Variants in RAB11FIP4 observed in about 807,000 individuals in gnomAD.
RAB11FIP4 encodes the protein rab11 family-interacting protein 4.
Under a neutral mutation model 74.3 loss-of-function variants are expected in RAB11FIP4, and 23 were observed. The observed-to-expected ratio is 0.31, with a 90% CI of 0.22 to 0.44. The LOEUF (loss-of-function observed/expected upper bound fraction) is 0.44, where lower values mean the gene tolerates loss of function less well. Among genes scored for constraint, RAB11FIP4 ranks in the 20% least tolerant of loss-of-function variants. The probability of loss-of-function intolerance (pLI) is 1.00; values close to 1 mark genes in which losing one functional copy is unlikely to be tolerated. For missense variants in RAB11FIP4, 630 were observed against 863.9 expected (o/e 0.73, Z 3.39); for synonymous variants, 360 against 359.9 (o/e 1.00, Z 0.00).
At chr17:31,439,246 T>G (rs2071387345) in intron 3 of RAB11FIP4, among the ~76,000 whole-genome samples, 1 of 152,242 alleles carries the variant, frequency 6.6e-6, no homozygotes. Flanking sequence ...AGAATTGCTG[T>G]GTCAAAGGGT....
At chr17:31,511,430 G>A (rs1477285723) in intron 3 of RAB11FIP4, among the ~76,000 whole-genome samples, 2 of 152,174 alleles carry the variant, frequency 1.3e-5, no homozygotes, top group Non-Finnish European at 2.9e-5. Context: ...CACCAGAGTC[G>A]GCACCCAGGT....
chr17:31,406,811 T>G (rs2071046167), intron 1 of RAB11FIP4, among the ~76,000 whole-genome samples: 1 of 152,198 alleles, frequency 6.6e-6, no homozygotes, highest in Non-Finnish European at 1.5e-5. Flanking sequence ...GCTTTCCTCT[T>G]TCTCTCTGTT....
chr17:31,522,312 G>C, intron 6 of RAB11FIP4, 48 bp from the exon 7 acceptor site: 1 of 1,590,738 alleles, frequency 6.3e-7, no homozygotes, highest in Non-Finnish European at 8.6e-7. Context: ...GAGTAAGGGA[G>C]TGGACTAGAA....
At chr17:31,510,353 C>T (rs2072429032) in intron 3 of RAB11FIP4, among the ~76,000 whole-genome samples, 1 of 152,228 alleles carries the variant, frequency 6.6e-6, no homozygotes, top group Non-Finnish European at 1.5e-5. Flanking sequence ...AGTGTGTGTC[C>T]ACCCCCACCG....
chr17:31,488,065 C>T (rs1282101576), intron 3 of RAB11FIP4: 3 of 1,016,724 alleles, frequency 3.0e-6, no homozygotes, highest in Non-Finnish European at 3.5e-6. Flanking sequence ...CTTCGGCCCA[C>T]GCGGGTCTCC....
intron 1 of RAB11FIP4, among the ~76,000 whole-genome samples, chr17:31,416,538 G>A (rs868248735): frequency 1.3e-5 from 2 of 152,322 alleles, no homozygotes; most frequent in South Asian, 2.1e-4. Flanking sequence ...CCCACCGGCC[G>A]GCCTGGGGGT....
At chr17:31,403,022 T>C (rs949388739) in intron 1 of RAB11FIP4, among the ~76,000 whole-genome samples, 1 of 152,072 alleles carries the variant, frequency 6.6e-6, no homozygotes, top group African/African-American at 2.4e-5. Flanking sequence ...GTTGTGATGG[T>C]TGGAGATTGA....
Position 31,522,068 on chromosome 17 carries a change from T to G in RAB11FIP4, c.893+19T>G. 6.2e-7 allele frequency: 1 copy of G among 1,613,640 alleles called. No individual in the cohort carries two copies. The highest frequency in any genetic ancestry group is 8.5e-7 in the Non-Finnish European group (1 of 1,179,948). ...CCAACAGGTGAGGCCCAGGCCCAGC[T>G]GGGGGGTGAGAGGCCGGGGGGCCAG... On this transcript the variant is annotated intron_variant, in intron 6 of 14. Transcript: ENST00000621161.
intron 5 of RAB11FIP4, among the ~76,000 whole-genome samples, chr17:31,521,698 G>A (rs773832140): frequency 6.6e-6 from 1 of 152,064 alleles, no homozygotes; most frequent in African/African-American, 2.4e-5. Context: ...AAATGAGCTC[G>A]CAGTTTGCCT....
At chr17:31,521,127 A>T in intron 4 of RAB11FIP4, 39 bp from the exon 5 acceptor site, 3 of 1,465,886 alleles carry the variant, frequency 2.0e-6, no homozygotes, top group Non-Finnish European at 2.7e-6. Flanking sequence ...CTGGGGACCC[A>T]TGAGTCCTCC....
chr17:31,525,135 C>T lies in RAB11FIP4; in HGVS notation c.1179C>T (p.Ala393=), dbSNP rs529843704. 7.5e-5 allele frequency: 117 copies of T among 1,550,056 alleles called. No homozygotes were observed. Among genetic ancestry groups the T allele is most frequent in the Admixed American group, 1.6e-4 (8 of 50,988 alleles). Residue 393 remains alanine (A), a synonymous_variant, in exon 10 of 15, where the codon GCC becomes GCT. Coordinates refer to ENST00000621161, the MANE Select transcript of RAB11FIP4 (RefSeq NM_032932.6). ...TGGTGAAGGATCAGGAGACCACGGC[C>T]GAGCAGGCTCTGGAGGAGGAGGCGC... is the stretch of plus-strand genomic sequence containing the variant. ...EEMVKDQETT[A]EQALEEEARR... is the part of the protein sequence containing the mutation.
intron 3 of RAB11FIP4, among the ~76,000 whole-genome samples, chr17:31,449,588 C>A (rs569186295): frequency 1.3e-5 from 2 of 152,326 alleles, no homozygotes; most frequent in Admixed American, 1.3e-4. Context: ...GTCACCCAGG[C>A]TGGAGTGCAG....
chr17:31,519,007 C>CTTTTTTTTT (rs1190316585), intron 4 of RAB11FIP4, among the ~76,000 whole-genome samples: 2 of 73,980 alleles, frequency 2.7e-5, no homozygotes, highest in Non-Finnish European at 2.5e-5. Context: ...TAAGTTTTGT[C>CTTTTTTTTT]TTTTTTTTTT....
chr17:31,460,296 G>A (rs529491145), intron 3 of RAB11FIP4, among the ~76,000 whole-genome samples: 27 of 152,332 alleles, frequency 1.8e-4, no homozygotes, highest in African/African-American at 4.1e-4. Context: ...AGTGTCTGCC[G>A]TCCCTGGGAG....
intron 3 of RAB11FIP4, among the ~76,000 whole-genome samples, chr17:31,435,366 T>C (rs1207024257): frequency 3.9e-5 from 6 of 152,092 alleles, no homozygotes; most frequent in African/African-American, 1.4e-4. Context: ...TCCCCAAGGC[T>C]CTGTTTTTCT....
intron 6 of RAB11FIP4, 43 bp from the exon 7 acceptor site, chr17:31,522,317 C>G (rs541371122): frequency 1.2e-6 from 2 of 1,601,020 alleles, no homozygotes; most frequent in African/African-American, 1.3e-5. Flanking sequence ...AGGGAGTGGA[C>G]TAGAACCCCT....
rs533075996 is a variant in RAB11FIP4 at position 31,535,252 on chromosome 17, C to T, written c.*3520C>T. Reference sequence around the variant, plus strand: ...TGGGCAACATAGTGATACCTTGTCTCTACCAAAAGTTAAAAAAAAAAAAAA... The same window carrying T: ...TGGGCAACATAGTGATACCTTGTCTTTACCAAAAGTTAAAAAAAAAAAAAA... On this transcript the variant is annotated 3_prime_UTR_variant, in exon 15 of 15. Coordinates refer to ENST00000621161, the MANE Select transcript of RAB11FIP4 (RefSeq NM_032932.6). The T allele has an allele frequency of 7.6e-6, 1 of 132,354 alleles. No individual in the cohort carries two copies. The highest frequency in any genetic ancestry group is 1.6e-5 in the Non-Finnish European group (1 of 63,312). The allele number at this position is 132,354 out of a possible 1,614,324, so 8.2% of individuals were successfully genotyped here. A position where few individuals can be genotyped will look rare whatever the true frequency, so the allele number is the denominator to read the frequency against.
rs188997824 is a variant in RAB11FIP4, at chr17:31,432,766, G to A, written c.247+866G>A. 1.5e-3 allele frequency among the ~76,000 whole-genome samples: 223 copies of A among 152,228 alleles called. 3 individuals carry two copies. Among genetic ancestry groups the A allele is most frequent in the Admixed American group, 0.012 (188 of 15,270 alleles). On this transcript the variant is annotated intron_variant, in intron 2 of 14. Coordinates refer to ENST00000621161, the MANE Select transcript of RAB11FIP4 (RefSeq NM_032932.6). ...TCTGTCTTGTCCCAAAAATTCAAAGGCCAGTTGTGAGAAACTTGCAGGAAT... is the reference window on the plus strand; with the variant it reads ...TCTGTCTTGTCCCAAAAATTCAAAGACCAGTTGTGAGAAACTTGCAGGAAT...
At chr17:31,442,059 T>A (rs1003464093) in intron 3 of RAB11FIP4, among the ~76,000 whole-genome samples, 1 of 151,612 alleles carries the variant, frequency 6.6e-6, no homozygotes. Flanking sequence ...AGTGCAGTGG[T>A]GCAATCTCGG....
Sources: allele counts gnomAD v4.1 joint callset (sites outside exome capture counted in the v4.1 genomes callset), GRCh38; gene constraint gnomAD v4.1.1; transcripts MANE v1.5; gene names NCBI Gene and HGNC (gene_info 2026-07-23, HGNC 2026-07-21).